CHD8: variants seen among roughly 807,000 people sequenced by gnomAD.
CHD8 encodes the protein ATP-dependent chromatin remodeler CHD8.
A neutral mutation model predicts 279.2 loss-of-function variants in CHD8; 31 were observed. The observed-to-expected ratio is 0.11, with a 90% confidence interval of 0.08 to 0.15. The LOEUF (loss-of-function observed/expected upper bound fraction) is 0.15, where lower values mean the gene tolerates loss of function less well. CHD8 is among the 10% of genes least tolerant of loss of function. The pLI is 1.00. For missense variants in CHD8, 2,146 were observed against 3,230.5 expected, an observed-to-expected ratio of 0.66 and a Z score of 8.14; for synonymous variants, 1,081 against 1,139.6, an observed-to-expected ratio of 0.95 and a Z score of 1.04.
chr14:21,386,636 G>A (rs1420510147), intron 37 of CHD8, among the ~76,000 whole-genome samples: 3 of 152,026 alleles, frequency 2.0e-5, no homozygotes, highest in Non-Finnish European at 4.4e-5. Context: ...AGGAGATCGA[G>A]ACCATCCTGG....
Position 21,392,594 on chromosome 14 carries a change from T to C in CHD8, c.6684A>G (p.Glu2228=). The change falls in exon 34 of 38, where the codon GAA becomes GAG. Residue 2228 remains glutamate, a synonymous_variant. Transcript: ENST00000646647. ...SSSAASMAEE[E]ASAVSTAAAQ... ...CTGCCGCTGTGCTGACTGCAGATGCTTCCTCCTCTGCCATGGAAGCTGCAC... is the reference window on the plus strand; with the variant it reads ...CTGCCGCTGTGCTGACTGCAGATGCCTCCTCCTCTGCCATGGAAGCTGCAC... 1 of 1,613,916 alleles carries C rather than the reference T, an allele frequency of 6.2e-7. No individual in the cohort carries two copies. Among genetic ancestry groups the C allele is most frequent in the Non-Finnish European group, 8.5e-7 (1 of 1,179,878 alleles).
chr14:21,391,663 C>G (rs745665887), intron 35 of CHD8, 21 bp from the exon 36 acceptor site: 32 of 1,578,956 alleles, frequency 2.0e-5, no homozygotes, highest in Non-Finnish European at 2.8e-5. Context: ...AGAATCCACC[C>G]CCATGAGCAC....
chr14:21,397,679 A>G lies in CHD8; in HGVS notation c.5051+144T>C. The stretch of plus-strand genomic sequence containing the variant: ...AACATGTGGTTTATGCAGTTTATGG[A>G]GTCCTTTCTGCTGGTCCTATTTTTG... On this transcript the variant is annotated intron_variant, in intron 27 of 37. Coordinates refer to ENST00000646647, the MANE Select transcript of CHD8 (RefSeq NM_001170629.2). 4 of 726,150 alleles carry G rather than the reference A, an allele frequency of 5.5e-6. No individual in the cohort carries two copies. In the South Asian group the frequency reaches 5.6e-5, roughly 10 times the overall value. 45.0% of individuals were successfully genotyped at this position (726,150 alleles called of 1,614,324 possible).
intron 33 of CHD8, 69 bp from the exon 34 acceptor site, chr14:21,392,878 A>C: frequency 1.4e-6 from 2 of 1,474,796 alleles, no homozygotes; most frequent in Non-Finnish European, 1.9e-6. Context: ...TGTGATACTC[A>C]ATAGTGCCAT....
intron 1 of CHD8, among the ~76,000 whole-genome samples, chr14:21,437,934 G>T (rs1355413685): frequency 6.6e-6 from 1 of 152,086 alleles, no homozygotes; most frequent in African/African-American, 2.4e-5. Flanking sequence ...CCCATCTCTT[G>T]AAACTCAGCC....
chr14:21,394,241 G>T (rs1307065619), intron 31 of CHD8, 36 bp downstream of exon 31: 21 of 1,612,278 alleles, frequency 1.3e-5, no homozygotes, highest in Non-Finnish European at 1.8e-5. Context: ...TGCTTCTGTT[G>T]GCATCCATCC....
chr14:21,392,791 G>A lies in CHD8; in HGVS notation c.6487C>T (p.Arg2163Cys). Residue 2163 changes from arginine (R) to cysteine (C), a missense_variant, in exon 34 of 38, where the codon CGT (arginine) becomes TGT (cysteine). By Grantham distance (180) the Arg-to-Cys change is radical (BLOSUM62 -3). Transcript: ENST00000646647. ...ACAGCCTGGCAGACGAGGTCAATAC[G>A]GTTTATCAGGACACGATCCTGAATG... ...EWPKDRVLIN[R>C]IDLVCQAVLS... 1 of 1,613,728 alleles carries A rather than the reference G, an allele frequency of 6.2e-7. No individual in the cohort carries two copies. The highest frequency in any genetic ancestry group is 8.5e-7 in the Non-Finnish European group (1 of 1,179,816).
At chr14:21,445,688 CAAAAAAAAAAAAAAA>C (rs747923350) in intron 1 of CHD8, among the ~76,000 whole-genome samples, 1 of 17,256 alleles carries the variant, frequency 5.8e-5, no homozygotes, top group Admixed American at 8.1e-4. Flanking sequence ...GATTCGGTCT[CAAAAAAAAAAAAAAA>C]AAAAAAAAAA....
chr14:21,444,558 G>A (rs1890065898), intron 1 of CHD8, among the ~76,000 whole-genome samples: 1 of 152,002 alleles, frequency 6.6e-6, no homozygotes, highest in Admixed American at 6.5e-5. Context: ...CATTTTGAGT[G>A]GTGAGACTTC....
chr14:21,409,534 A>G (rs1888390229), intron 11 of CHD8, among the ~76,000 whole-genome samples: 2 of 152,238 alleles, frequency 1.3e-5, no homozygotes, highest in African/African-American at 2.4e-5. Flanking sequence ...AAGAATGATT[A>G]AATTTTTTAG....
intron 28 of CHD8, 167 bp from the exon 29 acceptor site, chr14:21,395,519 A>C: frequency 1.6e-6 from 1 of 611,608 alleles, no homozygotes; most frequent in Middle Eastern, 4.3e-4. Context: ...CAACTAAAAG[A>C]ACAAGAAAGT....
intron 26 of CHD8, chr14:21,399,126 C>T (rs1348420182): frequency 7.0e-6 from 2 of 287,334 alleles, no homozygotes; most frequent in African/African-American, 2.2e-5. Context: ...GTCCACCCTG[C>T]AGGTGGTGCT....
intron 37 of CHD8, among the ~76,000 whole-genome samples, chr14:21,388,225 T>C (rs1474438978): frequency 2.0e-5 from 3 of 152,246 alleles, no homozygotes; most frequent in African/African-American, 7.2e-5. Flanking sequence ...AGATATTCCA[T>C]GTGGTTATAT....
At chr14:21,437,260 C>T (rs147166352) in intron 1 of CHD8, 163 of 1,166,650 alleles carry the variant, frequency 1.4e-4, no homozygotes, top group Non-Finnish European at 1.7e-4. Context: ...CCCCCTCCTC[C>T]TGCGCAACCT....
chr14:21,455,871 C>T (rs1257916604), intron 1 of CHD8, among the ~76,000 whole-genome samples, 161 bp downstream of exon 1: 1 of 152,008 alleles, frequency 6.6e-6, no homozygotes. Flanking sequence ...GAGACTGGTT[C>T]AGTCCGGAGC....
At chr14:21,454,182 G>GAAAAGAAAAGAA (rs1890327259) in intron 1 of CHD8, among the ~76,000 whole-genome samples, 2 of 132,710 alleles carry the variant, frequency 1.5e-5, no homozygotes, top group South Asian at 4.4e-4. Context: ...GAAAAGAAAA[G>GAAAAGAAAAGAA]AAAAGAAAAG....
chr14:21,436,975 C>G, intron 1 of CHD8: 1 of 1,282,180 alleles, frequency 7.8e-7, no homozygotes, highest in East Asian at 5.6e-5. Context: ...ACTGGAGACC[C>G]CAAAATGGAA....
chr14:21,407,935 GA>G (rs781090664), intron 13 of CHD8, among the ~76,000 whole-genome samples: 7 of 152,124 alleles, frequency 4.6e-5, no homozygotes, highest in Admixed American at 3.9e-4. Context: ...TGATCTTGAT[GA>G]AAATTTCCGT....
In CHD8 at chr14:21,403,642, G is replaced by A. The variant is rs373762112; in HGVS notation, c.3329C>T (p.Thr1110Ile). 6.9e-6 allele frequency: 11 copies of A among 1,594,862 alleles called. No homozygotes were observed. Among genetic ancestry groups the A allele is most frequent in the Non-Finnish European group, 9.4e-6 (11 of 1,170,016 alleles). Reference protein sequence around the residue: ...LINGAEEKILTEFREACHIIP... With the variant: ...LINGAEEKILIEFREACHIIP... ...AATATGGCAAGCTTCACGGAATTCT[G>A]TTAGGATTTTTTCTTCAGCACCTGC... The change falls in exon 17 of 38, where the codon ACA becomes ATA. Residue 1110 changes from threonine (T) to isoleucine (I), a missense_variant. Around this residue, in one of 26 missense-constraint regions of CHD8, gnomAD observed 30 missense variants for 28.4 expected, o/e 1.06. Coordinates refer to ENST00000646647, the MANE Select transcript of CHD8 (RefSeq NM_001170629.2). The surrounding 1 kb of genome is among the most constrained non-coding windows in gnomAD (Gnocchi z 4.3).
Sources: gnomAD v4.1 joint callset for allele counts (sites outside exome capture counted in the v4.1 genomes callset) on GRCh38, gnomAD v4.1.1 for gene constraint, gnomAD v4.1.1 regional missense constraint, Gnocchi (gnomAD v3.1) non-coding constraint, MANE v1.5 for transcripts, NCBI Gene and HGNC (gene_info 2026-07-23, HGNC 2026-07-21) for gene names.